The following PKHD1 variants were observed in gnomAD, a reference collection of about 807,000 sequenced individuals.
PKHD1 encodes the protein fibrocystin.
In PKHD1, 291 loss-of-function variants were observed where a neutral mutation model predicts 412.0. The ratio of observed to expected loss-of-function variants is 0.71; its 90% CI spans 0.64 to 0.78. PKHD1 has a LOEUF of 0.78. Ranked by LOEUF, PKHD1 falls within the 30% of genes least tolerant of loss-of-function variation. PKHD1 has a pLI of 0.00. For missense variants in PKHD1, 4,825 were observed against 4,950.7 expected (o/e 0.97, Z 0.76); for synonymous variants, 1,777 against 1,821.5 (o/e 0.98, Z 0.62).
intron 49 of PKHD1, among the ~76,000 whole-genome samples, chr6:51,852,059 T>G (rs555539278): frequency 6.6e-6 from 1 of 152,332 alleles, no homozygotes; most frequent in South Asian, 2.1e-4. Context: ...TAAATTTCCC[T>G]CTTAACACTA....
chr6:51,824,832 T>C (rs778580368), intron 52 of PKHD1, among the ~76,000 whole-genome samples: 26 of 152,292 alleles, frequency 1.7e-4, no homozygotes, highest in East Asian at 7.7e-4. Flanking sequence ...TGACCACAAG[T>C]TGCAGTTCAA....
intron 63 of PKHD1, 31 bp from the exon 64 acceptor site, chr6:51,638,987 G>A (rs370080706): frequency 7.1e-7 from 1 of 1,407,988 alleles, no homozygotes; most frequent in African/African-American, 1.4e-5. Flanking sequence ...AAAATTAGCT[G>A]TTTATTATCT....
intron 5 of PKHD1, among the ~76,000 whole-genome samples, chr6:52,078,641 G>A (rs545929972): frequency 1.3e-5 from 2 of 152,194 alleles, no homozygotes; most frequent in South Asian, 2.1e-4. Context: ...AACCACTGAC[G>A]GACTTGTTTT....
intron 22 of PKHD1, 53 bp downstream of exon 22, chr6:52,050,104 G>A (rs1581954652): frequency 6.3e-7 from 1 of 1,587,886 alleles, no homozygotes; most frequent in East Asian, 2.2e-5. Flanking sequence ...TGTCCCTCAA[G>A]GCCAACAAGC....
At chr6:51,743,279 T>C (rs956782342) in intron 60 of PKHD1, among the ~76,000 whole-genome samples, 5 of 151,990 alleles carry the variant, frequency 3.3e-5, no homozygotes, top group African/African-American at 1.2e-4. Flanking sequence ...AGGGTGGTAG[T>C]AGTGGAGGAA....
chr6:51,960,101 G>T, intron 35 of PKHD1, 75 bp from the exon 36 acceptor site: 1 of 1,307,098 alleles, frequency 7.7e-7, no homozygotes, highest in Non-Finnish European at 1.1e-6. Flanking sequence ...TTGGTTCGCT[G>T]GTTTGTTGGT....
At chr6:51,849,597 T>G (rs1213126367) in intron 49 of PKHD1, among the ~76,000 whole-genome samples, 1 of 152,222 alleles carries the variant, frequency 6.6e-6, no homozygotes, top group Non-Finnish European at 1.5e-5. Flanking sequence ...CTGACTGGCA[T>G]GAGATGGTAT....
intron 49 of PKHD1, among the ~76,000 whole-genome samples, chr6:51,852,671 G>GTC (rs1016204418): frequency 6.0e-5 from 9 of 150,792 alleles, no homozygotes; most frequent in African/African-American, 1.7e-4. Context: ...ACCCTTCTTT[G>GTC]TCTTTTTTGA....
intron 37 of PKHD1, among the ~76,000 whole-genome samples, chr6:51,923,534 T>G (rs1378444134): frequency 6.8e-6 from 1 of 146,944 alleles, no homozygotes; most frequent in Non-Finnish European, 1.5e-5. Flanking sequence ...AAAAAAACAA[T>G]AAAAGTACCA....
rs958968896 is a variant in PKHD1, at chr6:51,947,878, A to C, written c.5908+11992T>G. ...CTACTTGGATGTCTCATAGTTTCTT[A>C]ACTATGAGTATCCATGAACTCCTTT... is the stretch of plus-strand genomic sequence containing the variant. On this transcript the variant is annotated intron_variant, in intron 36 of 66. Transcript: ENST00000371117. Among the ~76,000 whole-genome samples, 31 of 152,112 alleles carry C rather than the reference A, an allele frequency of 2.0e-4. 1 individual carries two copies. The highest frequency in any genetic ancestry group is 7.2e-4 in the African/African-American group (30 of 41,406).
intron 60 of PKHD1, among the ~76,000 whole-genome samples, chr6:51,738,069 G>A (rs9474065): frequency 0.2 from 29,669 of 152,136 alleles, 3,322 homozygotes; most frequent in African/African-American, 0.31. Context: ...TTTCTAAGTG[G>A]TAAATTTCTG....
At chr6:52,035,515 A>G in intron 28 of PKHD1, 76 bp downstream of exon 28, 1 of 1,290,158 alleles carries the variant, frequency 7.8e-7, no homozygotes, top group Non-Finnish European at 1.1e-6. Context: ...AGTTCTAAGA[A>G]GTGATTCACT....
In PKHD1 at chr6:51,955,610, G is replaced by A. The variant is rs986698421; in HGVS notation, c.5908+4260C>T. On this transcript the variant is annotated intron_variant, in intron 36 of 66. Coordinates refer to ENST00000371117, the MANE Select transcript of PKHD1 (RefSeq NM_138694.4). ...ATCAGGATGCTGGCTTCCATGAATG[G>A]AAAAATAATATAAAGGATGTAATAC... Among the ~76,000 whole-genome samples, 3 of 151,936 alleles carry A rather than the reference G, an allele frequency of 2.0e-5. No individual in the cohort carries two copies. In the South Asian group the frequency reaches 6.2e-4, roughly 31 times the overall value.
At chr6:51,972,982 A>G (rs1338740651) in intron 35 of PKHD1, among the ~76,000 whole-genome samples, 1 of 152,226 alleles carries the variant, frequency 6.6e-6, no homozygotes, top group South Asian at 2.1e-4. Context: ...CCACTTTGAC[A>G]TGACAGAAAA....
intron 35 of PKHD1, among the ~76,000 whole-genome samples, chr6:51,962,645 C>T (rs2127959618): frequency 6.6e-6 from 1 of 152,156 alleles, no homozygotes; most frequent in East Asian, 1.9e-4. Flanking sequence ...GTGATGGAGG[C>T]AAACTGGAGT....
intron 35 of PKHD1, among the ~76,000 whole-genome samples, chr6:52,007,319 T>C (rs1799213190): frequency 6.6e-6 from 1 of 152,202 alleles, no homozygotes; most frequent in Admixed American, 6.5e-5. Flanking sequence ...AGTGTAGAAA[T>C]GTTTCCTTTT....
intron 64 of PKHD1, among the ~76,000 whole-genome samples, chr6:51,636,218 G>C (rs1463410652): frequency 6.6e-6 from 1 of 152,112 alleles, no homozygotes; most frequent in Non-Finnish European, 1.5e-5. Context: ...AAATATTGGA[G>C]AGATGAGGGA....
intron 12 of PKHD1, among the ~76,000 whole-genome samples, chr6:52,065,633 G>A (rs1809584168): frequency 6.6e-6 from 1 of 152,172 alleles, no homozygotes; most frequent in African/African-American, 2.4e-5. Context: ...TCTATATCAA[G>A]ACAGCTAACA....
At chr6:51,905,423 A>G (rs920544155) in intron 41 of PKHD1, among the ~76,000 whole-genome samples, 1 of 152,202 alleles carries the variant, frequency 6.6e-6, no homozygotes, top group Admixed American at 6.6e-5. Context: ...CTTAAACAGA[A>G]GGACTTGTCT....
Sources: allele counts gnomAD v4.1 joint callset (sites outside exome capture counted in the v4.1 genomes callset), GRCh38; gene constraint gnomAD v4.1.1; transcripts MANE v1.5; gene names NCBI Gene and HGNC (gene_info 2026-07-23, HGNC 2026-07-21).